The following SAMMSON variants were observed in gnomAD, a reference collection of about 807,000 sequenced individuals.
SAMMSON encodes the protein survival associated mitochondrial melanoma specific oncogenic non-coding RNA.
intron 4 of SAMMSON, among the ~76,000 whole-genome samples, chr3:70,078,015 G>A (rs368232498): frequency 7.9e-5 from 12 of 152,152 alleles, no homozygotes; most frequent in African/African-American, 2.4e-4. Context: ...CAATACTTCC[G>A]TGCATTTCAC....
chr3:70,023,311 A>G (rs1559775130), intron 3 of SAMMSON, among the ~76,000 whole-genome samples: 1 of 151,724 alleles, frequency 6.6e-6, no homozygotes, highest in Non-Finnish European at 1.5e-5. Flanking sequence ...AAAAAAAAAA[A>G]TTAGCCAGGC....
At position 70,286,680 on chromosome 3, in the gene SAMMSON, C is replaced by G. The variant is rs1229334304; in HGVS notation, n.675-4499C>G. On this transcript the variant is annotated intron_variant and non_coding_transcript_variant, in intron 6 of 9. Coordinates refer to ENST00000642114, the Ensembl canonical transcript of SAMMSON. Reference sequence around the variant, plus strand: ...GGCCATTTTCATGATATTGATTCTTCCTACCCATGAGCATGGAATGTTCTT... The same window carrying G: ...GGCCATTTTCATGATATTGATTCTTGCTACCCATGAGCATGGAATGTTCTT... Among the ~76,000 whole-genome samples the G allele has an allele frequency of 3.3e-5, 5 of 152,054 alleles. No homozygotes were observed. In the South Asian group the frequency reaches 1.0e-3, roughly 31 times the overall value.
chr3:70,080,524 T>C (rs2067264115), intron 4 of SAMMSON, among the ~76,000 whole-genome samples: 1 of 152,198 alleles, frequency 6.6e-6, no homozygotes, highest in South Asian at 2.1e-4. Context: ...TGCCTTTGTA[T>C]GTACTCTTCT....
chr3:70,281,130 G>A (rs964893477), intron 6 of SAMMSON, among the ~76,000 whole-genome samples: 13 of 152,124 alleles, frequency 8.5e-5, no homozygotes, highest in African/African-American at 3.1e-4. Flanking sequence ...TTTCAAGGAT[G>A]TTTCAGAGGG....
chr3:70,343,999 A>G (rs761568133), intron 7 of SAMMSON, among the ~76,000 whole-genome samples: 19 of 151,752 alleles, frequency 1.3e-4, no homozygotes, highest in Non-Finnish European at 2.6e-4. Context: ...GTTGGTTCCC[A>G]TGTTCCTTTG....
At chr3:70,290,865 C>T (rs985271364) in intron 6 of SAMMSON, among the ~76,000 whole-genome samples, 2 of 152,180 alleles carry the variant, frequency 1.3e-5, no homozygotes, top group African/African-American at 4.8e-5. Flanking sequence ...GGAAAGGGAA[C>T]TCGCTGACCC....
intron 2 of SAMMSON, among the ~76,000 whole-genome samples, chr3:70,419,549 G>C (rs1325090490): frequency 6.6e-6 from 1 of 152,180 alleles, no homozygotes; most frequent in Non-Finnish European, 1.5e-5. Flanking sequence ...ATGAGGGCTT[G>C]AGAAAGTCAA....
chr3:70,350,245 T>G (rs1041015257), intron 7 of SAMMSON, among the ~76,000 whole-genome samples: 13 of 152,194 alleles, frequency 8.5e-5, no homozygotes, highest in Admixed American at 7.9e-4. Flanking sequence ...CATTTTTTGA[T>G]CTCCCAAATA....
chr3:70,039,862 CT>C (rs2067100144), intron 3 of SAMMSON, among the ~76,000 whole-genome samples: 2 of 151,996 alleles, frequency 1.3e-5, no homozygotes, highest in Admixed American at 1.3e-4. Context: ...TTGGACAATG[CT>C]TTTATGGAGT....
chr3:70,411,417 G>A (rs1024552151), intron 2 of SAMMSON, among the ~76,000 whole-genome samples: 1 of 152,190 alleles, frequency 6.6e-6, no homozygotes, highest in Admixed American at 6.5e-5. Context: ...AACATAGTTA[G>A]GTGAGAAACA....
At chr3:70,404,439 G>A (rs1009168074) in intron 2 of SAMMSON, among the ~76,000 whole-genome samples, 7 of 152,054 alleles carry the variant, frequency 4.6e-5, no homozygotes, top group African/African-American at 1.7e-4. Context: ...GAGATACCCG[G>A]TAGACACAGA....
intron 6 of SAMMSON, among the ~76,000 whole-genome samples, chr3:70,270,434 A>G (rs927487068): frequency 6.6e-6 from 1 of 152,220 alleles, no homozygotes; most frequent in Non-Finnish European, 1.5e-5. Flanking sequence ...GATCTGTTTA[A>G]GCACTAAGTT....
chr3:70,052,297 C>A (rs2067149369), intron 3 of SAMMSON, among the ~76,000 whole-genome samples: 1 of 152,010 alleles, frequency 6.6e-6, no homozygotes, highest in Non-Finnish European at 1.5e-5. Flanking sequence ...ATCAGTGTGA[C>A]CCCACTGCAG....
At chr3:70,400,349 A>C (rs1376312593) in intron 2 of SAMMSON, among the ~76,000 whole-genome samples, 1 of 152,130 alleles carries the variant, frequency 6.6e-6, no homozygotes, top group African/African-American at 2.4e-5. Context: ...GCCCTCCCTC[A>C]AGGGTGAGTG....
At chr3:70,076,258 C>G (rs1220976824) in intron 4 of SAMMSON, among the ~76,000 whole-genome samples, 2 of 151,994 alleles carry the variant, frequency 1.3e-5, no homozygotes, top group Non-Finnish European at 2.9e-5. Context: ...AGGCTTTTAC[C>G]TAGTTAGTGG....
chr3:70,185,635 A>G lies in SAMMSON; in HGVS notation n.508-63472A>G, dbSNP rs72941557. 8.5e-3 allele frequency among the ~76,000 whole-genome samples: 1,301 copies of G among 152,188 alleles called. 24 individuals carry two copies. Among genetic ancestry groups the G allele is most frequent in the African/African-American group, 0.03 (1,261 of 41,518 alleles). Reference sequence around the variant, plus strand: ...AAAGAATCAAAATATCACCCCCAAGATTGGCAGATGCAGAAGTATCACCTA... The same window carrying G: ...AAAGAATCAAAATATCACCCCCAAGGTTGGCAGATGCAGAAGTATCACCTA... On this transcript the variant is annotated intron_variant and non_coding_transcript_variant, in intron 4 of 9. Coordinates refer to ENST00000642114, the Ensembl canonical transcript of SAMMSON.
intron 4 of SAMMSON, among the ~76,000 whole-genome samples, chr3:70,128,925 G>C (rs2067469542): frequency 6.6e-6 from 1 of 152,156 alleles, no homozygotes; most frequent in South Asian, 2.1e-4. Context: ...ATTTGTAGCA[G>C]TGTAGAAAGT....
At chr3:70,112,259 G>A (rs1009294760) in intron 4 of SAMMSON, among the ~76,000 whole-genome samples, 1 of 152,102 alleles carries the variant, frequency 6.6e-6, no homozygotes, top group Non-Finnish European at 1.5e-5. Flanking sequence ...AATAACAGGT[G>A]TCAGAAGACA....
chr3:70,067,166 A>T (rs1252100911), intron 3 of SAMMSON, among the ~76,000 whole-genome samples: 1 of 152,060 alleles, frequency 6.6e-6, no homozygotes, highest in East Asian at 1.9e-4. Flanking sequence ...AGGCAAACAA[A>T]ACTTGGCACA....
Sources: allele counts gnomAD v4.1 joint callset (sites outside exome capture counted in the v4.1 genomes callset), GRCh38; gene constraint gnomAD v4.1.1; transcripts MANE v1.5; gene names NCBI Gene and HGNC (gene_info 2026-07-23, HGNC 2026-07-21).